Variants in ENSA observed in about 807,000 individuals in gnomAD.
The protein encoded by ENSA is endosulfine alpha.
Under a neutral mutation model 16.8 loss-of-function variants are expected in ENSA, and 7 were observed. The ratio of observed to expected loss-of-function variants is 0.42; its 90% CI spans 0.24 to 0.78. The LOEUF (loss-of-function observed/expected upper bound fraction) is 0.78. Ranked by LOEUF, ENSA falls within the 30% of genes least tolerant of loss-of-function variation. The pLI is 0.29. For missense variants in ENSA, 87 were observed against 142.3 expected, an observed-to-expected ratio of 0.61 and a Z score of 1.98; for synonymous variants, 58 against 53.4, an observed-to-expected ratio of 1.09 and a Z score of -0.37.
chr1:150,629,597 G>A lies in ENSA; in HGVS notation c.-127C>T, dbSNP rs1649601629. On this transcript the variant is annotated 5_prime_UTR_variant, in exon 1 of 4. Coordinates refer to ENST00000369014, the MANE Select transcript of ENSA (RefSeq NM_004436.4). ...GTCACTAGGGTTGCTCAGTCAAAAT[G>A]GCGGCCCTTGCCCGTGACGTTGCGA... The A allele has an allele frequency of 1.6e-6, 2 of 1,229,214 alleles. No homozygotes were observed. Among genetic ancestry groups the A allele is most frequent in the Non-Finnish European group, 1.1e-6 (1 of 879,346 alleles). The allele number at this position is 1,229,214 out of a possible 1,614,324, so 76.1% of individuals were successfully genotyped here.
intron 3 of ENSA, chr1:150,624,670 C>T (rs1418005077): frequency 8.1e-6 from 8 of 985,400 alleles, no homozygotes; most frequent in East Asian, 1.1e-4. Flanking sequence ...CCTCATGTAT[C>T]CCTCAAATGG....
chr1:150,626,863 C>T (rs182440078), intron 2 of ENSA, among the ~76,000 whole-genome samples: 128 of 152,120 alleles, frequency 8.4e-4, no homozygotes, highest in Non-Finnish European at 1.4e-3. Context: ...TTTTAAAAAA[C>T]GATAATATAA....
intron 1 of ENSA, among the ~76,000 whole-genome samples, chr1:150,627,905 T>C (rs587753935): frequency 6.6e-6 from 1 of 152,138 alleles, no homozygotes; most frequent in East Asian, 1.9e-4. Context: ...GCACAAATGC[T>C]AAGAAAGACA....
chr1:150,626,491 A>C (rs1323095994), intron 2 of ENSA: 1 of 1,613,668 alleles, frequency 6.2e-7, no homozygotes, highest in Admixed American at 1.7e-5. Context: ...TTTCATCCGC[A>C]CAGAGAAGCA....
Position 150,625,657 on chromosome 1 carries a change from G to C in ENSA, c.335C>G (p.Thr112Ser). The C allele has an allele frequency of 6.2e-7, 1 of 1,606,134 alleles. No homozygotes were observed. Among genetic ancestry groups the C allele is most frequent in the Non-Finnish European group, 8.5e-7 (1 of 1,175,798 alleles). The change falls in exon 3 of 4, where the codon ACC (threonine) becomes AGC (serine). Residue 112 changes from threonine (T) to serine (S), a missense_variant. Thr to Ser is a moderately conservative substitution (Grantham distance 58). Transcript: ENST00000369014. Reference protein sequence around the residue: ...DLPQRKSSLVTSKLAGGQVE With the variant: ...DLPQRKSSLVSSKLAGGQVE Reference sequence around the variant, plus strand: ...CTCAGGTTACCCCGCAAGCTTGCTGGTGACGAGCGAGGACTTTCTCTGGGG... The same window carrying C: ...CTCAGGTTACCCCGCAAGCTTGCTGCTGACGAGCGAGGACTTTCTCTGGGG...
intron 1 of ENSA, 152 bp from the exon 2 acceptor site, chr1:150,627,744 A>G: frequency 1.1e-6 from 1 of 882,800 alleles, no homozygotes; most frequent in Non-Finnish European, 1.7e-6. Context: ...ACCTTTGTTA[A>G]AATCCCTAAA....
At chr1:150,628,643 C>T (rs1389988189) in intron 1 of ENSA, among the ~76,000 whole-genome samples, 1 of 152,064 alleles carries the variant, frequency 6.6e-6, no homozygotes, top group Non-Finnish European at 1.5e-5. Flanking sequence ...TTAATGAGTA[C>T]CTGAACCCAG....
chr1:150,621,869 T>G (rs1649011829), downstream of ENSA: 1 of 152,178 alleles, frequency 6.6e-6, no homozygotes, highest in Non-Finnish European at 1.5e-5. Flanking sequence ...AAACCTGGAC[T>G]AGGCTTAGGT....
downstream of ENSA, chr1:150,621,266 GTTTTA>G (rs1411403684): frequency 2.6e-5 from 4 of 152,038 alleles, no homozygotes; most frequent in African/African-American, 4.8e-5. Context: ...ATTTGTACTT[GTTTTA>G]TTTTATTCAT....
chr1:150,625,671 C>T lies in ENSA; in HGVS notation c.321G>A (p.Lys107=). The change falls in exon 3 of 4, where the codon AAG becomes AAA. Residue 107 remains lysine, a synonymous_variant. Transcript: ENST00000369014. ...CAAGCTTGCTGGTGACGAGCGAGGA[C>T]TTTCTCTGGGGCAGATCCTGTGGGG... ...IPTPQDLPQR[K]SSLVTSKLAG... 1 of 1,608,636 alleles carries T rather than the reference C, an allele frequency of 6.2e-7. No homozygotes were observed.
At position 150,622,593 on chromosome 1, in the gene ENSA, T is replaced by C. The variant is rs1248159093; in HGVS notation, c.*251A>G. 1.1e-5 allele frequency: 1 copy of C among 88,966 alleles called. No homozygotes were observed. Among genetic ancestry groups the C allele is most frequent in the African/African-American group, 4.7e-5 (1 of 21,482 alleles). 5.5% of individuals were successfully genotyped at this position (88,966 alleles called of 1,614,324 possible). A position where few individuals can be genotyped will look rare whatever the true frequency, so the allele number is the denominator to read the frequency against. ...TTCAACCCCACCCCCACCCCCAGAA[T>C]TTCATTGATATTTCTCCCAACTGTT... is the stretch of plus-strand genomic sequence containing the variant. On this transcript the variant is annotated 3_prime_UTR_variant, in exon 4 of 4. Coordinates refer to ENST00000369014, the MANE Select transcript of ENSA (RefSeq NM_004436.4).
At chr1:150,629,320 T>A in intron 1 of ENSA, 94 bp downstream of exon 1, 1 of 1,553,524 alleles carries the variant, frequency 6.4e-7, no homozygotes, top group Non-Finnish European at 8.7e-7. Context: ...CTGCGGAGCC[T>A]GAGACCATGG....
In ENSA at chr1:150,625,750, T is replaced by C; in HGVS notation, c.242A>G (p.Gln81Arg). ...CTTGTCTGGTCCTGCACTTGGCAGC[T>C]GCTTATTCTTCATCTTGGCTTTGGC... Reference protein sequence around the residue: ...NMAKAKMKNKQLPSAGPDKNL... With the variant: ...NMAKAKMKNKRLPSAGPDKNL... The change falls in exon 3 of 4, where the codon CAG (glutamine) becomes CGG (arginine). Residue 81 changes from glutamine (Q) to arginine (R), a missense_variant. Transcript: ENST00000369014. 6.2e-7 allele frequency: 1 copy of C among 1,612,202 alleles called. No homozygotes were observed. The highest frequency in any genetic ancestry group is 8.5e-7 in the Non-Finnish European group (1 of 1,179,142).
intron 3 of ENSA, chr1:150,623,148 T>C (rs1649074098): frequency 1.7e-6 from 2 of 1,200,696 alleles, no homozygotes; most frequent in Admixed American, 4.1e-5. Flanking sequence ...TAACTGGAGG[T>C]TTCCAGGTGG....
intron 2 of ENSA, chr1:150,626,497 A>C (rs761326360): frequency 1.4e-5 from 23 of 1,613,800 alleles, no homozygotes; most frequent in Non-Finnish European, 1.9e-5. Context: ...CCGCACAGAG[A>C]AGCACACTCC....
Position 150,625,798 on chromosome 1 carries a change from A to C in ENSA, c.194T>G (p.Phe65Cys). The C allele has an allele frequency of 1.9e-6, 3 of 1,601,836 alleles. No individual in the cohort carries two copies. The highest frequency in any genetic ancestry group is 2.6e-6 in the Non-Finnish European group (3 of 1,173,436). ...MKRLQKGQKY[F>C]DSGDYNMAKA... is the part of the protein sequence containing the mutation. ...GGCCATGTTGTAGTCTCCTGAGTCA[A>C]AGTACTTTTGCTAAGAGATAAGAGG... The change falls in exon 3 of 4, where the codon TTT becomes TGT. Residue 65 changes from phenylalanine (F) to cysteine (C), a missense_variant. Transcript: ENST00000369014.
chr1:150,626,474 C>A lies in ENSA; in HGVS notation c.184-666G>T, dbSNP rs997370254. On this transcript the variant is annotated intron_variant, in intron 2 of 3. Transcript: ENST00000369014. ...TGGGATCCTCCACAGGGATGTTTCA[C>A]CCACCATTTCATCCGCACAGAGAAG... 3 of 1,611,384 alleles carry A rather than the reference C, an allele frequency of 1.9e-6. 1 individual carries two copies. The African/African-American group carries it at 4.0e-5, about 22-fold the overall frequency.
In ENSA at chr1:150,623,207, T is replaced by C. The variant is rs1649077379; in HGVS notation, c.351-348A>G. The C allele has an allele frequency of 2.7e-6, 3 of 1,093,054 alleles. No homozygotes were observed. The African/African-American group carries it at 5.0e-5, about 18-fold the overall frequency. The allele number at this position is 1,093,054 out of a possible 1,614,324, so 67.7% of individuals were successfully genotyped here. Reference sequence around the variant, plus strand: ...GCTGTTTCAGAGGCATGGCCACAGCTACTTGCAAAGACTGAGGTAGCACAG... The same window carrying C: ...GCTGTTTCAGAGGCATGGCCACAGCCACTTGCAAAGACTGAGGTAGCACAG... On this transcript the variant is annotated intron_variant, in intron 3 of 3. Coordinates refer to ENST00000369014, the MANE Select transcript of ENSA (RefSeq NM_004436.4).
chr1:150,622,941 C>T (rs1053626741), intron 3 of ENSA, 82 bp from the exon 4 acceptor site: 2 of 1,482,926 alleles, frequency 1.3e-6, no homozygotes, highest in Non-Finnish European at 1.8e-6. Context: ...CCAACCCAGT[C>T]TCTACCCCAT....
Sources: gnomAD v4.1 joint callset for allele counts (sites outside exome capture counted in the v4.1 genomes callset) on GRCh38, gnomAD v4.1.1 for gene constraint, MANE v1.5 for transcripts, NCBI Gene and HGNC (gene_info 2026-07-23, HGNC 2026-07-21) for gene names.